The following SRCIN1 variants were observed in gnomAD, a reference collection of about 807,000 sequenced individuals.
SRCIN1 encodes SRC kinase signaling inhibitor 1.
Under a neutral mutation model 116.2 loss-of-function variants are expected in SRCIN1, and 50 were observed. The ratio of observed to expected loss-of-function variants is 0.43; its 90% CI spans 0.34 to 0.54. The LOEUF is 0.54. SRCIN1 is among the 20% of genes least tolerant of loss of function. The probability of loss-of-function intolerance (pLI) is 0.02; values close to 1 mark genes in which losing one functional copy is unlikely to be tolerated. For missense variants in SRCIN1, 1,446 were observed against 1,672.0 expected, an observed-to-expected ratio of 0.86 and a Z score of 2.36; for synonymous variants, 736 against 750.0, an observed-to-expected ratio of 0.98 and a Z score of 0.30.
At chr17:38,591,356 C>T (rs540287698) in intron 1 of SRCIN1, among the ~76,000 whole-genome samples, 8 of 152,186 alleles carry the variant, frequency 5.3e-5, no homozygotes, top group East Asian at 1.9e-4. Flanking sequence ...GCTCCTGAAC[C>T]GGAACCTTCT....
In SRCIN1 at chr17:38,559,645, T is replaced by C. The variant is rs757088558; in HGVS notation, c.1965A>G (p.Arg655=). 9.4e-6 allele frequency: 15 copies of C among 1,602,954 alleles called. No individual in the cohort carries two copies. The highest frequency in any genetic ancestry group is 5.5e-5 in the South Asian group (5 of 90,930). ...VSRLQMQLHL[R]GLQNSASDLR... ...AGTCACTGGCGCTGTTCTGCAGGCC[T>C]CGCAGGTGAAGCTGCATCTGCAGCC... The change falls in exon 10 of 19, where the codon CGA becomes CGG. Residue 655 remains arginine (R), a synonymous_variant. Transcript: ENST00000617146.
chr17:38,548,047 T>A (rs1418598630), intron 17 of SRCIN1, among the ~76,000 whole-genome samples: 2 of 152,120 alleles, frequency 1.3e-5, no homozygotes, highest in South Asian at 2.1e-4. Context: ...TCTGCCCTCA[T>A]CTGGTCACCT....
At chr17:38,593,359 G>A (rs1476528348) in intron 1 of SRCIN1, among the ~76,000 whole-genome samples, 4 of 152,102 alleles carry the variant, frequency 2.6e-5, no homozygotes, top group Non-Finnish European at 2.9e-5. Context: ...TCTCCATGGC[G>A]CTGGGCCACA....
Position 38,578,484 on chromosome 17 carries a change from A to C in SRCIN1, c.324+6T>G. 6.3e-7 allele frequency: 1 copy of C among 1,575,022 alleles called. No homozygotes were observed. Among genetic ancestry groups the C allele is most frequent in the Non-Finnish European group, 8.7e-7 (1 of 1,155,096 alleles). Reference sequence around the variant, plus strand: ...CAGCCGCAGCCGCAGCCGGGAGCCCACTCACCTGCTCTCGCATCCTGTCCT... The same window carrying C: ...CAGCCGCAGCCGCAGCCGGGAGCCCCCTCACCTGCTCTCGCATCCTGTCCT... On this transcript the variant is annotated splice_donor_region_variant and intron_variant, in intron 2 of 18. Coordinates refer to ENST00000617146, the MANE Select transcript of SRCIN1 (RefSeq NM_025248.3).
At chr17:38,548,945 C>A in intron 16 of SRCIN1, 111 bp downstream of exon 16, 1 of 1,342,530 alleles carries the variant, frequency 7.4e-7, no homozygotes, top group Non-Finnish European at 1.0e-6. Flanking sequence ...TCTTTCCTTC[C>A]ATGTTCTCTG....
chr17:38,533,104 A>AAC lies in SRCIN1; in HGVS notation c.*192_*193insGT, dbSNP rs1362503358. On this transcript the variant is annotated 3_prime_UTR_variant, in exon 19 of 19. Coordinates refer to ENST00000617146, the MANE Select transcript of SRCIN1 (RefSeq NM_025248.3). ...ATTAAAAGTTAATTGTTAAAAAAAA[A>AAC]AAAAAAAACAAAACCAAAAACACCA... 9.4e-6 allele frequency: 4 copies of AAC among 425,702 alleles called. No homozygotes were observed. In the East Asian group the frequency reaches 1.3e-4, roughly 14 times the overall value. The allele number at this position is 425,702 out of a possible 1,614,324, so 26.4% of individuals were successfully genotyped here.
At chr17:38,586,339 A>G (rs1055565059) in intron 1 of SRCIN1, among the ~76,000 whole-genome samples, 34 of 151,978 alleles carry the variant, frequency 2.2e-4, no homozygotes, top group African/African-American at 7.2e-4. Flanking sequence ...GGGCGGGGGG[A>G]GATGGACAAG....
In SRCIN1 at chr17:38,562,093, G is replaced by A. The variant is rs1405892562; in HGVS notation, c.1070C>T (p.Ala357Val). 3 of 1,438,492 alleles carry A rather than the reference G, an allele frequency of 2.1e-6. No individual in the cohort carries two copies. Among genetic ancestry groups the A allele is most frequent in the South Asian group, 1.4e-5 (1 of 72,258 alleles). The allele number at this position is 1,438,492 out of a possible 1,614,324, so 89.1% of individuals were successfully genotyped here. A position where few individuals can be genotyped will look rare whatever the true frequency, so the allele number is the denominator to read the frequency against. ...GGGGCTGGGGCTGACGCCCTGGGCG[G>A]CCGGGGCGCCTCCCAGCCTCTCGGC... ...HAAERLGGAP[A>V]AQGVSPSPSA... is the part of the protein sequence containing the mutation. The change falls in exon 7 of 19, where the codon GCC becomes GTC. Residue 357 changes from alanine (A) to valine (V), a missense_variant. Physicochemically the swap from Ala to Val is moderately conservative, Grantham distance 64. Coordinates refer to ENST00000617146, the MANE Select transcript of SRCIN1 (RefSeq NM_025248.3). The surrounding 1 kb of genome is among the most constrained non-coding windows in gnomAD (Gnocchi z 4.2).
chr17:38,541,573 T>C (rs1597880860), intron 18 of SRCIN1: 1 of 152,796 alleles, frequency 6.5e-6, no homozygotes, highest in South Asian at 2.1e-4. Context: ...GACTAAGCAG[T>C]GCACCTGGTG....
chr17:38,552,794 G>A lies in SRCIN1; in HGVS notation c.2263C>T (p.Pro755Ser), dbSNP rs1197065191. The A allele has an allele frequency of 6.2e-7, 1 of 1,613,892 alleles. No homozygotes were observed. The highest frequency in any genetic ancestry group is 1.3e-5 in the African/African-American group (1 of 74,930). ...RDVSHNHRLV[P>S]GPELEEKALV... is the part of the protein sequence containing the mutation. ...GCCTTCTCCTCCAGCTCAGGGCCGG[G>A]CACCAGCCGGTGGTTGTGGGACACG... Residue 755 changes from proline to serine, a missense_variant, in exon 12 of 19, where the codon CCC becomes TCC. Pro to Ser is a moderately conservative substitution (Grantham distance 74). Transcript: ENST00000617146. The surrounding 1 kb of genome is among the most constrained non-coding windows in gnomAD (Gnocchi z 5.3).
chr17:38,583,548 GTTTT>G (rs10691272), intron 1 of SRCIN1, among the ~76,000 whole-genome samples: 45 of 104,266 alleles, frequency 4.3e-4, no homozygotes, highest in African/African-American at 1.6e-3. Context: ...TTCATTTTCT[GTTTT>G]TTTTTTTTTT....
chr17:38,567,791 AG>A (rs1906818589), intron 3 of SRCIN1, among the ~76,000 whole-genome samples: 1 of 152,156 alleles, frequency 6.6e-6, no homozygotes, highest in Admixed American at 6.5e-5. Context: ...AAGAAAAGGA[AG>A]GGGGACCCAT....
intron 11 of SRCIN1, among the ~76,000 whole-genome samples, chr17:38,555,821 C>T (rs1905750756): frequency 6.6e-6 from 1 of 152,242 alleles, no homozygotes. Flanking sequence ...ATATGTGTAA[C>T]ACCTGACTGG....
chr17:38,601,607 G>A (rs1004893822), intron 1 of SRCIN1, among the ~76,000 whole-genome samples: 4 of 151,760 alleles, frequency 2.6e-5, no homozygotes, highest in Non-Finnish European at 4.4e-5. Context: ...TGTGGGGAGG[G>A]GGATGGCGCC....
intron 1 of SRCIN1, among the ~76,000 whole-genome samples, chr17:38,589,872 G>A (rs547814149): frequency 4.3e-4 from 66 of 152,300 alleles, no homozygotes; most frequent in African/African-American, 1.3e-3. Context: ...TTAGTATCCC[G>A]AGAGACTCTG....
At chr17:38,533,466 G>A (rs187994034) in intron 18 of SRCIN1, 35 bp from the exon 19 acceptor site, 23 of 1,597,344 alleles carry the variant, frequency 1.4e-5, no homozygotes, top group South Asian at 7.8e-5. Context: ...GTCAGAGAGC[G>A]GAAGGGAGCG....
chr17:38,533,806 G>A (rs1213714102), intron 18 of SRCIN1, among the ~76,000 whole-genome samples: 1 of 150,012 alleles, frequency 6.7e-6, no homozygotes, highest in African/African-American at 2.5e-5. Context: ...CATTAGCTGG[G>A]ACAGGGGCAC....
intron 1 of SRCIN1, among the ~76,000 whole-genome samples, chr17:38,603,357 T>C (rs1242034403): frequency 1.3e-5 from 2 of 151,642 alleles, no homozygotes; most frequent in Non-Finnish European, 2.9e-5. Context: ...CCCTCCGCAT[T>C]AGGCAAGGAG....
chr17:38,552,986 G>T lies in SRCIN1; in HGVS notation c.2202-131C>A. On this transcript the variant is annotated intron_variant, in intron 11 of 18. Coordinates refer to ENST00000617146, the MANE Select transcript of SRCIN1 (RefSeq NM_025248.3). The surrounding 1 kb of genome is among the most constrained non-coding windows in gnomAD (Gnocchi z 5.3). The stretch of plus-strand genomic sequence containing the variant: ...GTAAAAGCAGGAGGCTGGGCACCGT[G>T]GCTCACGCCCGTAATCTCAGTACTT... 1 of 1,406,488 alleles carries T rather than the reference G, an allele frequency of 7.1e-7. No individual in the cohort carries two copies. Among genetic ancestry groups the T allele is most frequent in the Non-Finnish European group, 9.5e-7 (1 of 1,047,328 alleles). The allele number at this position is 1,406,488 out of a possible 1,614,324, so 87.1% of individuals were successfully genotyped here. A position where few individuals can be genotyped will look rare whatever the true frequency, so the allele number is the denominator to read the frequency against.
Sources: allele counts gnomAD v4.1 joint callset (sites outside exome capture counted in the v4.1 genomes callset), GRCh38; gene constraint gnomAD v4.1.1; non-coding constraint Gnocchi (gnomAD v3.1); transcripts MANE v1.5; gene names NCBI Gene and HGNC (gene_info 2026-07-23, HGNC 2026-07-21).